IL24: variants seen among roughly 807,000 people sequenced by gnomAD.
IL24 encodes interleukin-24.
Under a neutral mutation model 27.6 loss-of-function variants are expected in IL24, and 24 were observed. That is an observed-to-expected ratio of 0.87 (90% CI 0.63 to 1.22). IL24 has a LOEUF of 1.22. Among genes scored for constraint, IL24 ranks in the 50% most tolerant of loss-of-function variants. The pLI, the probability that IL24 is intolerant of heterozygous loss-of-function variation, is 0.00. For synonymous variants in IL24, 99 were observed against 93.1 expected, an observed-to-expected ratio of 1.06 and a Z score of -0.36; for missense variants, 240 against 237.0, an observed-to-expected ratio of 1.01 and a Z score of -0.08.
chr1:206,898,001 A>C (rs1195695305), intron 2 of IL24, 125 bp downstream of exon 2: 1 of 544,226 alleles, frequency 1.8e-6, no homozygotes, highest in East Asian at 3.5e-5. Flanking sequence ...AAAAATACAA[A>C]AAAAAATTAG....
intron 4 of IL24, 89 bp from the exon 5 acceptor site, chr1:206,901,405 A>T (rs1464434183): frequency 7.0e-7 from 1 of 1,423,124 alleles, no homozygotes; most frequent in Admixed American, 2.4e-5. Context: ...TGCTGTGCTT[A>T]TCTTGCCTTG....
chr1:206,900,445 G>A (rs367631184), intron 4 of IL24, 88 bp downstream of exon 4: 1 of 1,182,718 alleles, frequency 8.5e-7, no homozygotes, highest in South Asian at 1.2e-5. Context: ...GTTGATGAAA[G>A]CCCTTCACTT....
chr1:206,899,575 G>A, intron 3 of IL24, 60 bp downstream of exon 3: 1 of 1,357,648 alleles, frequency 7.4e-7, no homozygotes, highest in Non-Finnish European at 1.0e-6. Flanking sequence ...TGGGCCAGTG[G>A]GGCGAGGGGA....
At position 206,899,833 on chromosome 1, in the gene IL24, TG is replaced by T. The variant is rs374616172; in HGVS notation, c.240+320del. Among the ~76,000 whole-genome samples, 6 of 151,762 alleles carry T rather than the reference TG, an allele frequency of 4.0e-5. No homozygotes were observed. In the South Asian group the frequency reaches 1.3e-3, roughly 32 times the overall value. The stretch of plus-strand genomic sequence containing the variant: ...CTCTAAATCTGAGAACTGGAATGAG[TG>T]GCTGGGCTGTGGAGGAAGCTCCAAG... On this transcript the variant is annotated intron_variant, in intron 3 of 6. Transcript: ENST00000294984.
intron 2 of IL24, among the ~76,000 whole-genome samples, chr1:206,898,659 T>A (rs1354490694): frequency 6.6e-6 from 1 of 152,178 alleles, no homozygotes; most frequent in East Asian, 1.9e-4. Context: ...AGATGATTCA[T>A]CTGGAAATCT....
intron 6 of IL24, chr1:206,902,438 T>C: frequency 7.4e-6 from 6 of 810,968 alleles, no homozygotes; most frequent in Non-Finnish European, 7.2e-6. Flanking sequence ...GTATTTTCCA[T>C]GATGCTCAAC....
At chr1:206,899,208 C>A in intron 2 of IL24, 112 bp from the exon 3 acceptor site, 1 of 1,090,196 alleles carries the variant, frequency 9.2e-7, no homozygotes, top group Non-Finnish European at 1.3e-6. Flanking sequence ...TCAACTTGCC[C>A]ATTGGAGAGT....
intron 5 of IL24, 58 bp downstream of exon 5, chr1:206,901,710 C>T: frequency 6.8e-7 from 1 of 1,464,470 alleles, no homozygotes; most frequent in East Asian, 2.3e-5. Flanking sequence ...GGTCTGCTTC[C>T]AATCTGCTGG....
intron 4 of IL24, 74 bp downstream of exon 4, chr1:206,900,431 G>A: frequency 3.8e-6 from 5 of 1,333,228 alleles, no homozygotes; most frequent in Non-Finnish European, 5.4e-6. Context: ...CTTTCTTAGG[G>A]GAGGTTGATG....
rs1330614781 is a variant in IL24, at chr1:206,900,317, G to C, written c.263G>C (p.Ser88Thr). Residue 88 changes from serine to threonine, a missense_variant, in exon 4 of 7, where the codon AGT becomes ACT. Coordinates refer to ENST00000294984, the MANE Select transcript of IL24 (RefSeq NM_006850.3). The stretch of plus-strand genomic sequence containing the variant: ...AAGCAAGCTCAGGATAACATCACGA[G>C]TGCCCGGCTGCTGCAGCAGGAGGTT... ...DTMQAQDNIT[S>T]ARLLQQEVLQ... 6.2e-7 allele frequency: 1 copy of C among 1,613,880 alleles called. No individual in the cohort carries two copies. Among genetic ancestry groups the C allele is most frequent in the Non-Finnish European group, 8.5e-7 (1 of 1,179,948 alleles).
chr1:206,899,019 GTAGGC>G (rs1169525605), intron 2 of IL24, among the ~76,000 whole-genome samples: 1 of 152,198 alleles, frequency 6.6e-6, no homozygotes, highest in Admixed American at 6.5e-5. Context: ...CTCGCAGGTT[GTAGGC>G]TAGAGAGAAC....
intron 2 of IL24, among the ~76,000 whole-genome samples, chr1:206,898,164 CAAAAAAAA>C (rs59175256): frequency 1.6e-3 from 162 of 100,006 alleles, no homozygotes; most frequent in Admixed American, 2.0e-3. Flanking sequence ...GAAATTCTGT[CAAAAAAAA>C]AAAAAAAAAA....
intron 6 of IL24, chr1:206,902,706 A>G: frequency 1.0e-6 from 1 of 985,264 alleles, no homozygotes; most frequent in Non-Finnish European, 1.2e-6. Flanking sequence ...CCCATACTGC[A>G]GTTTGTGGTT....
chr1:206,903,176 T>C lies in IL24; in HGVS notation c.*117T>C. ...TTCACGCCCTTGGCCATGGGTCCCA[T>C]TCTTGGCCCAGGATTATTGTCAAAG... On this transcript the variant is annotated 3_prime_UTR_variant, in exon 7 of 7. Coordinates refer to ENST00000294984, the MANE Select transcript of IL24 (RefSeq NM_006850.3). The C allele has an allele frequency of 1.2e-6, 1 of 844,550 alleles. No homozygotes were observed. The allele number at this position is 844,550 out of a possible 1,614,324, so 52.3% of individuals were successfully genotyped here. A position where few individuals can be genotyped will look rare whatever the true frequency, so the allele number is the denominator to read the frequency against.
At chr1:206,901,679 G>A in intron 5 of IL24, 27 bp downstream of exon 5, 1 of 1,595,324 alleles carries the variant, frequency 6.3e-7, no homozygotes, top group Non-Finnish European at 8.6e-7. Flanking sequence ...CTGGATACTG[G>A]CAGCTCTGGG....
Position 206,901,416 on chromosome 1 carries a change from G to A in IL24, c.304-78G>A, listed in dbSNP as rs1678372267. 16 of 1,479,596 alleles carry A rather than the reference G, an allele frequency of 1.1e-5. 1 individual carries two copies. Among genetic ancestry groups the A allele is most frequent in the Middle Eastern group, 2.2e-4 (1 of 4,554 alleles). The allele number at this position is 1,479,596 out of a possible 1,614,324, so 91.7% of individuals were successfully genotyped here. On this transcript the variant is annotated intron_variant, in intron 4 of 6. Coordinates refer to ENST00000294984, the MANE Select transcript of IL24 (RefSeq NM_006850.3). ...TCTCTGCTGTGCTTATCTTGCCTTG[G>A]GTGGCATGTGGGTTGTTCCTTCAGG...
intron 2 of IL24, among the ~76,000 whole-genome samples, chr1:206,898,826 T>C (rs1652963201): frequency 6.6e-6 from 1 of 151,836 alleles, no homozygotes; most frequent in Admixed American, 6.6e-5. Flanking sequence ...TGATGAGGAG[T>C]GAGGGACAGC....
rs778183731 is a variant in IL24, at chr1:206,899,413, A to G, written c.138A>G (p.Val46=). 36 of 1,614,084 alleles carry G rather than the reference A, an allele frequency of 2.2e-5. No homozygotes were observed. Among genetic ancestry groups the G allele is most frequent in the South Asian group, 4.4e-5 (4 of 91,088 alleles). ...LGFTLLLWSQ[V]SGAQGQEFHF... ...TTACCCTGCTTCTCTGGAGCCAGGT[A>G]TCAGGGGCCCAGGGCCAAGAATTCC... Residue 46 remains valine, a synonymous_variant, in exon 3 of 7, where the codon GTA becomes GTG. Coordinates refer to ENST00000294984, the MANE Select transcript of IL24 (RefSeq NM_006850.3).
chr1:206,900,393 C>T (rs372503756), intron 4 of IL24, 36 bp downstream of exon 4: 77 of 1,597,338 alleles, frequency 4.8e-5, no homozygotes, highest in Admixed American at 3.0e-4. Context: ...CTCTGTGGGA[C>T]GGGTCTACTG....
Sources: allele counts gnomAD v4.1 joint callset (sites outside exome capture counted in the v4.1 genomes callset), GRCh38; gene constraint gnomAD v4.1.1; transcripts MANE v1.5; gene names NCBI Gene and HGNC (gene_info 2026-07-23, HGNC 2026-07-21).